Variants in CDCA7L observed in about 807,000 individuals in gnomAD.
CDCA7L encodes the protein cell division cycle-associated 7-like protein.
A neutral mutation model predicts 57.4 loss-of-function variants in CDCA7L; 44 were observed. The observed-to-expected ratio is 0.77, with a 90% CI of 0.60 to 0.98. CDCA7L has a LOEUF of 0.98. CDCA7L is among the 50% of genes least tolerant of loss of function. CDCA7L has a pLI of 0.00. For synonymous variants in CDCA7L, 236 were observed against 202.8 expected (o/e 1.16, Z -1.39); for missense variants, 644 against 580.6 (o/e 1.11, Z -1.12).
chr7:21,915,504 T>G (rs1336062566), intron 2 of CDCA7L, among the ~76,000 whole-genome samples: 1 of 151,512 alleles, frequency 6.6e-6, no homozygotes, highest in South Asian at 2.1e-4. Context: ...CAAGTGACAG[T>G]AACAAAAAGC....
intron 3 of CDCA7L, among the ~76,000 whole-genome samples, chr7:21,910,420 G>A (rs557773005): frequency 1.8e-4 from 27 of 152,204 alleles, no homozygotes; most frequent in African/African-American, 4.8e-4. Context: ...CCTACCATGC[G>A]GGCTTTTATG....
chr7:21,901,821 A>G lies in CDCA7L; in HGVS notation c.*501T>C, dbSNP rs12700325. 0.2 allele frequency: 33,586 copies of G among 165,784 alleles called. 4,016 individuals carry two copies. The highest frequency in any genetic ancestry group is 0.27 in the Non-Finnish European group (20,225 of 75,326). The allele number at this position is 165,784 out of a possible 1,614,324, so 10.3% of individuals were successfully genotyped here. A position where few individuals can be genotyped will look rare whatever the true frequency, so the allele number is the denominator to read the frequency against. On this transcript the variant is annotated 3_prime_UTR_variant, in exon 10 of 10. Transcript: ENST00000406877. ...TGTTCAGTCAAGTTTTAATAAAAAT[A>G]AAACTGTTCTACAGTTAATTGCACT...
At chr7:21,912,752 G>T (rs370624116) in intron 2 of CDCA7L, among the ~76,000 whole-genome samples, 9 of 152,334 alleles carry the variant, frequency 5.9e-5, no homozygotes, top group African/African-American at 1.9e-4. Context: ...TCACCCCCAG[G>T]AATTTCTCTC....
intron 9 of CDCA7L, chr7:21,902,622 G>T: frequency 3.7e-6 from 2 of 537,084 alleles, no homozygotes; most frequent in Non-Finnish European, 6.6e-6. Context: ...CTGTCCTCTT[G>T]CCCTGAACTC....
rs192395057 is a variant in CDCA7L, at chr7:21,901,380, G to T, written c.*942C>A. 3 of 1,298,462 alleles carry T rather than the reference G, an allele frequency of 2.3e-6. No homozygotes were observed. The African/African-American group carries it at 4.5e-5, about 19-fold the overall frequency. 80.4% of individuals were successfully genotyped at this position (1,298,462 alleles called of 1,614,324 possible). ...CTCACACGTGCATTCTTTTTTCAAC[G>T]CTATCCTTAGAGTGAAAGTCAGAAA... is the stretch of plus-strand genomic sequence containing the variant. On this transcript the variant is annotated 3_prime_UTR_variant, in exon 10 of 10. Coordinates refer to ENST00000406877, the MANE Select transcript of CDCA7L (RefSeq NM_018719.5).
intron 2 of CDCA7L, 29 bp downstream of exon 2, chr7:21,916,725 C>T (rs1328211676): frequency 1.8e-5 from 29 of 1,603,828 alleles, no homozygotes; most frequent in Non-Finnish European, 2.5e-5. Flanking sequence ...TCCAGATGAA[C>T]ACATCTGCTT....
intron 9 of CDCA7L, 76 bp from the exon 10 acceptor site, chr7:21,902,428 A>AATCATCTAAG (rs1466310755): frequency 1.5e-5 from 21 of 1,401,128 alleles, no homozygotes; most frequent in Non-Finnish European, 2.0e-5. Flanking sequence ...GAGATTCCAC[A>AATCATCTAAG]ATCATCTAAG....
chr7:21,904,653 AAC>A (rs759092391), intron 7 of CDCA7L, among the ~76,000 whole-genome samples: 4 of 152,338 alleles, frequency 2.6e-5, no homozygotes, highest in East Asian at 3.9e-4. Flanking sequence ...TCTGAGGTGG[AAC>A]AGTTTCATCC....
intron 1 of CDCA7L, among the ~76,000 whole-genome samples, chr7:21,926,062 C>T (rs1322993954): frequency 1.3e-5 from 2 of 152,046 alleles, no homozygotes. Flanking sequence ...AAAGCAAGAC[C>T]CTATCTCTAT....
chr7:21,945,825 TCTC>T lies in CDCA7L; in HGVS notation c.-24_-22del. On this transcript the variant is annotated 5_prime_UTR_variant, in exon 1 of 10. Coordinates refer to ENST00000406877, the MANE Select transcript of CDCA7L (RefSeq NM_018719.5). Reference sequence around the variant, plus strand: ...TCCATTCTTCCTAACCGGGCTCCAGTCTCCTCCCAGCACGCGGCCACGGGAGCC... The same window carrying T: ...TCCATTCTTCCTAACCGGGCTCCAGTCTCCCAGCACGCGGCCACGGGAGCC... 6.3e-7 allele frequency: 1 copy of T among 1,596,318 alleles called. No homozygotes were observed. The highest frequency in any genetic ancestry group is 8.5e-7 in the Non-Finnish European group (1 of 1,173,072).
intron 1 of CDCA7L, among the ~76,000 whole-genome samples, chr7:21,918,732 G>C (rs1785565338): frequency 6.6e-6 from 1 of 152,160 alleles, no homozygotes; most frequent in African/African-American, 2.4e-5. Flanking sequence ...TCTTCCTTTG[G>C]AAAGCACATA....
intron 2 of CDCA7L, among the ~76,000 whole-genome samples, chr7:21,914,410 A>T (rs1355241792): frequency 6.6e-6 from 1 of 152,224 alleles, no homozygotes; most frequent in Non-Finnish European, 1.5e-5. Flanking sequence ...AACCCTGGTG[A>T]GGGTCAGTGC....
chr7:21,902,792 A>ATTCCCTAATAGGGAAAATATC (rs1784972525), intron 9 of CDCA7L, 186 bp downstream of exon 9: 1 of 580,162 alleles, frequency 1.7e-6, no homozygotes, highest in East Asian at 3.0e-5. Flanking sequence ...AAAGGAGAAG[A>ATTCCCTAATAGGGAAAATATC]TTCCCTAATA....
At chr7:21,928,336 C>T (rs900459267) in intron 1 of CDCA7L, among the ~76,000 whole-genome samples, 3 of 152,062 alleles carry the variant, frequency 2.0e-5, no homozygotes, top group African/African-American at 4.8e-5. Flanking sequence ...GATAAATCCA[C>T]GAAGATGAGG....
chr7:21,937,211 T>C (rs1361848722), intron 1 of CDCA7L, among the ~76,000 whole-genome samples: 1 of 152,230 alleles, frequency 6.6e-6, no homozygotes, highest in Non-Finnish European at 1.5e-5. Context: ...GTGACAATAC[T>C]AACTGAAGCT....
chr7:21,943,798 A>G (rs922541686), intron 1 of CDCA7L, among the ~76,000 whole-genome samples: 1 of 152,162 alleles, frequency 6.6e-6, no homozygotes, highest in African/African-American at 2.4e-5. Flanking sequence ...TGGATCGGAT[A>G]TAATTTGTGG....
intron 1 of CDCA7L, among the ~76,000 whole-genome samples, chr7:21,929,036 A>G (rs1301029162): frequency 5.3e-5 from 8 of 152,312 alleles, no homozygotes; most frequent in Admixed American, 4.6e-4. Context: ...GAAGGAAAAA[A>G]GGTTAAGGGC....
In CDCA7L at chr7:21,904,457, C is replaced by G. The variant is rs1048795474; in HGVS notation, c.1048-198G>C. Among the ~76,000 whole-genome samples the G allele has an allele frequency of 2.6e-5, 4 of 152,350 alleles. No homozygotes were observed. In the South Asian group the frequency reaches 6.2e-4, roughly 24 times the overall value. On this transcript the variant is annotated intron_variant, in intron 7 of 9. Coordinates refer to ENST00000406877, the MANE Select transcript of CDCA7L (RefSeq NM_018719.5). ...CCCCAGGCTAGAACCAGTCTGTGGC[C>G]TGTTTGGAACCGGGCTGCACAGCAG...
chr7:21,905,615 T>C lies in CDCA7L; in HGVS notation c.938A>G (p.Tyr313Cys). 8.1e-6 allele frequency: 13 copies of C among 1,613,970 alleles called. No homozygotes were observed. Among genetic ancestry groups the C allele is most frequent in the Non-Finnish European group, 1.1e-5 (13 of 1,180,002 alleles). Reference sequence around the variant, plus strand: ...AGAAGATATACGGTGACGTCGTCTGTACTCCCGGCATTTCCCCTGCACAAT... The same window carrying C: ...AGAAGATATACGGTGACGTCGTCTGCACTCCCGGCATTTCCCCTGCACAAT... ...RKTIGGKCRE[Y>C]RRRHRISSFR... The change falls in exon 7 of 10, where the codon TAC becomes TGC. Residue 313 changes from tyrosine (Y) to cysteine (C), a missense_variant. Transcript: ENST00000406877.
Sources: gnomAD v4.1 joint callset for allele counts (sites outside exome capture counted in the v4.1 genomes callset) on GRCh38, gnomAD v4.1.1 for gene constraint, MANE v1.5 for transcripts, NCBI Gene and HGNC (gene_info 2026-07-23, HGNC 2026-07-21) for gene names.